Variants in PAM observed in about 807,000 individuals in gnomAD.
PAM encodes the protein peptidylglycine alpha-amidating monooxygenase, also known as peptidyl-glycine alpha-amidating monooxygenase.
Under a neutral mutation model 122.1 loss-of-function variants are expected in PAM, and 72 were observed. The observed-to-expected ratio is 0.59, with a 90% CI of 0.49 to 0.72. The LOEUF is 0.72. Ranked by LOEUF, PAM falls within the 30% of genes least tolerant of loss-of-function variation. PAM has a pLI of 0.00. For missense variants in PAM, 1,106 were observed against 1,183.7 expected, an observed-to-expected ratio of 0.93 and a Z score of 0.96; for synonymous variants, 389 against 404.4, an observed-to-expected ratio of 0.96 and a Z score of 0.46.
At chr5:102,992,807 G>A (rs1774526559) in intron 16 of PAM, among the ~76,000 whole-genome samples, 1 of 152,038 alleles carries the variant, frequency 6.6e-6, no homozygotes, top group African/African-American at 2.4e-5. Flanking sequence ...TGATATTTCT[G>A]AGGTTCACAG....
intron 1 of PAM, among the ~76,000 whole-genome samples, chr5:102,777,559 G>C (rs182446779): frequency 5.9e-5 from 9 of 152,112 alleles, no homozygotes; most frequent in Non-Finnish European, 1.2e-4. Context: ...AATTGTCTGA[G>C]AGAGGGATTC....
intron 1 of PAM, among the ~76,000 whole-genome samples, chr5:102,823,889 C>T (rs1258003571): frequency 6.6e-6 from 1 of 152,134 alleles, no homozygotes; most frequent in Non-Finnish European, 1.5e-5. Context: ...CTCAAATAGA[C>T]CCTGACCATG....
chr5:103,024,487 A>G (rs545833475), intron 23 of PAM, among the ~76,000 whole-genome samples: 1 of 152,136 alleles, frequency 6.6e-6, no homozygotes, highest in Non-Finnish European at 1.5e-5. Context: ...AAGAGCCTGA[A>G]AAGCACATAG....
intron 4 of PAM, among the ~76,000 whole-genome samples, chr5:102,903,552 T>C (rs1798620514): frequency 6.6e-6 from 1 of 151,404 alleles, no homozygotes; most frequent in Non-Finnish European, 1.5e-5. Flanking sequence ...AAGACAATAG[T>C]TTGTATGGAA....
At chr5:102,871,065 G>T (rs1263540830) in intron 3 of PAM, among the ~76,000 whole-genome samples, 1 of 152,172 alleles carries the variant, frequency 6.6e-6, no homozygotes, top group Admixed American at 6.5e-5. Flanking sequence ...AATGTTTATT[G>T]CCTAAATCTA....
chr5:102,952,088 T>C (rs961619476), intron 12 of PAM, among the ~76,000 whole-genome samples: 3 of 152,164 alleles, frequency 2.0e-5, no homozygotes, highest in African/African-American at 7.2e-5. Context: ...GGTTATGTTA[T>C]TAACCTTTGT....
intron 16 of PAM, among the ~76,000 whole-genome samples, chr5:102,997,197 G>A (rs1775967182): frequency 6.6e-6 from 1 of 152,226 alleles, no homozygotes; most frequent in Non-Finnish European, 1.5e-5. Context: ...ATTGTAACAA[G>A]ATACTGGGAA....
At chr5:102,845,682 G>A (rs1007025832) in intron 1 of PAM, among the ~76,000 whole-genome samples, 3 of 152,104 alleles carry the variant, frequency 2.0e-5, no homozygotes, top group African/African-American at 7.2e-5. Context: ...TTGTGTTACT[G>A]AATAGCATGA....
At chr5:102,804,144 T>G (rs1045375026) in intron 1 of PAM, among the ~76,000 whole-genome samples, 5 of 152,152 alleles carry the variant, frequency 3.3e-5, no homozygotes, top group Non-Finnish European at 5.9e-5. Flanking sequence ...GATTGTCTAA[T>G]TAGTTGTTGC....
intron 14 of PAM, among the ~76,000 whole-genome samples, chr5:102,970,129 G>C (rs568484150): frequency 1.3e-5 from 2 of 152,270 alleles, no homozygotes; most frequent in South Asian, 4.1e-4. Flanking sequence ...TCATACAACG[G>C]TGAAATAGGA....
At chr5:102,829,299 A>G (rs1774660656) in intron 1 of PAM, among the ~76,000 whole-genome samples, 1 of 151,792 alleles carries the variant, frequency 6.6e-6, no homozygotes, top group African/African-American at 2.4e-5. Flanking sequence ...ATAAACAGCT[A>G]CCTTTTTTTG....
chr5:102,940,178 A>G (rs553676302), intron 7 of PAM, among the ~76,000 whole-genome samples: 103 of 151,394 alleles, frequency 6.8e-4, no homozygotes, highest in African/African-American at 2.4e-3. Context: ...ATATGAAAAC[A>G]CCCTCAAGAC....
intron 14 of PAM, among the ~76,000 whole-genome samples, chr5:102,966,993 CT>C (rs3836846): frequency 0.29 from 42,967 of 150,392 alleles, 6,401 homozygotes; most frequent in East Asian, 0.43. Flanking sequence ...AAATTAGATA[CT>C]TTTTTTTTTC....
At chr5:102,920,409 T>C (rs1746998222) in intron 5 of PAM, among the ~76,000 whole-genome samples, 1 of 152,112 alleles carries the variant, frequency 6.6e-6, no homozygotes, top group Non-Finnish European at 1.5e-5. Context: ...TCTAACCTTA[T>C]TGGAGCAAAG....
chr5:102,798,315 C>T (rs1222138171), intron 1 of PAM, among the ~76,000 whole-genome samples: 1 of 152,170 alleles, frequency 6.6e-6, no homozygotes, highest in Non-Finnish European at 1.5e-5. Flanking sequence ...GGCATTTTGC[C>T]ACTGGACTAT....
intron 5 of PAM, among the ~76,000 whole-genome samples, chr5:102,918,161 C>T (rs1327634366): frequency 6.6e-6 from 1 of 152,010 alleles, no homozygotes; most frequent in Admixed American, 6.6e-5. Context: ...GCTCTGCTGA[C>T]CCATGTAAAG....
intron 14 of PAM, among the ~76,000 whole-genome samples, 160 bp downstream of exon 14, chr5:102,961,389 CAA>C (rs1762453468): frequency 6.6e-6 from 1 of 151,750 alleles, no homozygotes; most frequent in African/African-American, 2.4e-5. Flanking sequence ...AGAAAATGGT[CAA>C]TTATTGCACT....
intron 1 of PAM, among the ~76,000 whole-genome samples, chr5:102,857,712 A>G (rs1783013353): frequency 6.6e-6 from 1 of 152,148 alleles, no homozygotes; most frequent in African/African-American, 2.4e-5. Context: ...GTAAAATAGG[A>G]ATGATAATGG....
intron 1 of PAM, among the ~76,000 whole-genome samples, chr5:102,805,762 A>T (rs1766057394): frequency 6.6e-6 from 1 of 152,244 alleles, no homozygotes. Flanking sequence ...AAGGAAATAG[A>T]ACACTAACTA....
Sources: allele counts gnomAD v4.1 joint callset (sites outside exome capture counted in the v4.1 genomes callset), GRCh38; gene constraint gnomAD v4.1.1; transcripts MANE v1.5; gene names NCBI Gene and HGNC (gene_info 2026-07-23, HGNC 2026-07-21).